The following SEMA3D variants were observed in gnomAD, a reference collection of about 807,000 sequenced individuals.
SEMA3D encodes the protein semaphorin 3D.
Under a neutral mutation model 100.1 loss-of-function variants are expected in SEMA3D, and 84 were observed. That is an observed-to-expected ratio of 0.84 (90% CI 0.70 to 1.01). The LOEUF is 1.01. Ranked by LOEUF, SEMA3D falls within the 50% of genes least tolerant of loss-of-function variation. The pLI, the probability that SEMA3D is intolerant of heterozygous loss-of-function variation, is 0.00. For missense variants in SEMA3D, 875 were observed against 934.1 expected (o/e 0.94, Z 0.82); for synonymous variants, 312 against 320.7 (o/e 0.97, Z 0.29).
chr7:85,000,124 A>AT (rs1014934781), intron 18 of SEMA3D, among the ~76,000 whole-genome samples: 3 of 151,996 alleles, frequency 2.0e-5, no homozygotes, highest in Non-Finnish European at 2.9e-5. Flanking sequence ...GAATGCAGTT[A>AT]TTTTTTTTCT....
chr7:85,037,363 C>T (rs115571632), intron 11 of SEMA3D, among the ~76,000 whole-genome samples: 1,735 of 152,092 alleles, frequency 0.011, 32 homozygotes, highest in African/African-American at 0.039. Context: ...ATAAAACAAA[C>T]CCTGGAGGAT....
At chr7:85,177,743 T>G (rs1791279051) in intron 1 of SEMA3D, among the ~76,000 whole-genome samples, 1 of 152,150 alleles carries the variant, frequency 6.6e-6, no homozygotes, top group African/African-American at 2.4e-5. Flanking sequence ...AACAGCTAAT[T>G]TACAGTATTT....
At chr7:85,033,316 C>G (rs867999273) in intron 12 of SEMA3D, among the ~76,000 whole-genome samples, 2 of 152,060 alleles carry the variant, frequency 1.3e-5, no homozygotes, top group Non-Finnish European at 2.9e-5. Flanking sequence ...TATTTTCCTA[C>G]TTTCGGGGAG....
At chr7:85,174,026 G>A (rs777674939) in intron 1 of SEMA3D, among the ~76,000 whole-genome samples, 6 of 152,118 alleles carry the variant, frequency 3.9e-5, no homozygotes, top group Admixed American at 6.6e-5. Context: ...TCGAGCCAGG[G>A]CTCCTGGTGT....
intron 3 of SEMA3D, among the ~76,000 whole-genome samples, chr7:85,112,488 TA>T (rs1223797430): frequency 6.6e-6 from 1 of 152,200 alleles, no homozygotes; most frequent in Non-Finnish European, 1.5e-5. Flanking sequence ...AAAACCTTGT[TA>T]TTTTTTATAT....
At chr7:85,095,712 A>G (rs755509875) in intron 4 of SEMA3D, among the ~76,000 whole-genome samples, 4 of 152,072 alleles carry the variant, frequency 2.6e-5, no homozygotes, top group Non-Finnish European at 5.9e-5. Flanking sequence ...TTACCTTTGC[A>G]TACATAATCC....
chr7:85,083,105 G>A (rs554035974), intron 4 of SEMA3D, among the ~76,000 whole-genome samples: 2 of 152,182 alleles, frequency 1.3e-5, no homozygotes, highest in South Asian at 4.1e-4. Context: ...ATTGCAAACC[G>A]CACATCTTGC....
At chr7:85,233,067 G>A in the SEMA3D span, among the ~76,000 whole-genome samples, 2 of 152,006 alleles carry the variant, frequency 1.3e-5, no homozygotes, top group Non-Finnish European at 2.9e-5. Flanking sequence ...AAATTTAACG[G>A]TAGACCTCTG....
chr7:85,030,226 A>G (rs1191303949), intron 12 of SEMA3D, among the ~76,000 whole-genome samples: 3 of 151,532 alleles, frequency 2.0e-5, no homozygotes, highest in Admixed American at 1.3e-4. Flanking sequence ...CTACCTAGAT[A>G]AAAAAAAGTA....
At chr7:85,228,006 G>T in the SEMA3D span, among the ~76,000 whole-genome samples, 2 of 152,050 alleles carry the variant, frequency 1.3e-5, no homozygotes, top group Admixed American at 1.3e-4. Flanking sequence ...GATCAACTTG[G>T]TATAGAGACT....
chr7:85,225,835 G>T, the SEMA3D span, among the ~76,000 whole-genome samples: 1 of 152,104 alleles, frequency 6.6e-6, no homozygotes, highest in African/African-American at 2.4e-5. Context: ...CGGCCAGGGG[G>T]ACAAGGGAAT....
chr7:85,200,482 G>C, the SEMA3D span, among the ~76,000 whole-genome samples: 1 of 152,244 alleles, frequency 6.6e-6, no homozygotes, highest in East Asian at 1.9e-4. Flanking sequence ...GAACTTGAGA[G>C]AGATAATTTA....
intron 8 of SEMA3D, among the ~76,000 whole-genome samples, chr7:85,057,111 C>T (rs1283183317): frequency 6.6e-6 from 1 of 151,916 alleles, no homozygotes; most frequent in Non-Finnish European, 1.5e-5. Context: ...TCTGTAGGTA[C>T]TGACCTGGAA....
At chr7:85,186,294 G>A (rs1034532196) in intron 1 of SEMA3D, among the ~76,000 whole-genome samples, 9 of 152,170 alleles carry the variant, frequency 5.9e-5, no homozygotes, top group Admixed American at 2.0e-4. Context: ...GACGCTCTCT[G>A]CTGCCCAGAC....
At chr7:85,241,961 T>C in the SEMA3D span, among the ~76,000 whole-genome samples, 1 of 152,080 alleles carries the variant, frequency 6.6e-6, no homozygotes, top group South Asian at 2.1e-4. Context: ...TGTACAGTGT[T>C]GGTGGGAATG....
chr7:85,127,544 A>G (rs1334963087), intron 2 of SEMA3D, among the ~76,000 whole-genome samples: 1 of 152,132 alleles, frequency 6.6e-6, no homozygotes. Flanking sequence ...CCTGACCATA[A>G]CAGTAACAAC....
At position 85,015,106 on chromosome 7, in the gene SEMA3D, A is replaced by G. The variant is rs777019026; in HGVS notation, c.1656T>C (p.Cys552=). The G allele has an allele frequency of 1.9e-6, 3 of 1,611,708 alleles. No individual in the cohort carries two copies. The highest frequency in any genetic ancestry group is 2.5e-6 in the Non-Finnish European group (3 of 1,178,466). The change falls in exon 16 of 19, where the codon TGT becomes TGC. Residue 552 remains cysteine (C), a synonymous_variant. Coordinates refer to ENST00000284136, the MANE Select transcript of SEMA3D (RefSeq NM_001384900.1). ...ADCCLARDPY[C]AWDGNACSRY... is the part of the protein sequence containing the mutation. ...GAGAGCATGCATTTCCATCCCAGGC[A>G]CAGTAGGGGTCTCTGGCAAGACAAC...
At chr7:85,081,469 A>C (rs750909178) in intron 5 of SEMA3D, 48 bp downstream of exon 5, 1 of 1,201,206 alleles carries the variant, frequency 8.3e-7, no homozygotes, top group Admixed American at 1.7e-5. Context: ...ATTTGCTATC[A>C]TATCAGTAGA....
intron 11 of SEMA3D, among the ~76,000 whole-genome samples, chr7:85,038,886 AT>A (rs1207814650): frequency 6.6e-6 from 1 of 152,186 alleles, no homozygotes; most frequent in Non-Finnish European, 1.5e-5. Context: ...TTTCTGATCT[AT>A]TCTGAACCAA....
Sources: allele counts gnomAD v4.1 joint callset (sites outside exome capture counted in the v4.1 genomes callset), GRCh38; gene constraint gnomAD v4.1.1; transcripts MANE v1.5; gene names NCBI Gene and HGNC (gene_info 2026-07-23, HGNC 2026-07-21).